KIAA1586: variants seen among roughly 807,000 people sequenced by gnomAD.
KIAA1586 encodes KIAA1586.
Under a neutral mutation model 6.1 loss-of-function variants are expected in KIAA1586, and 5 were observed. The ratio of observed to expected loss-of-function variants is 0.82; its 90% confidence interval spans 0.43 to 1.73. KIAA1586 has a LOEUF of 1.73. KIAA1586 is among the 40% of genes most tolerant of loss of function. KIAA1586 has a pLI of 0.02. For synonymous variants in KIAA1586, 280 were observed against 301.7 expected, an observed-to-expected ratio of 0.93 and a Z score of 0.75; for missense variants, 899 against 878.2, an observed-to-expected ratio of 1.02 and a Z score of -0.30.
In KIAA1586 at chr6:57,054,031, C is replaced by T. The variant is rs143927840; in HGVS notation, c.1532C>T (p.Ser511Phe). 6.8e-4 allele frequency: 1,088 copies of T among 1,610,504 alleles called. 3 individuals are homozygous for T. The highest frequency in any genetic ancestry group is 7.8e-4 in the Non-Finnish European group (917 of 1,178,490). Residue 511 changes from serine to phenylalanine, a missense_variant, in exon 4 of 4, where the codon TCT becomes TTT. Coordinates refer to ENST00000370733, the MANE Select transcript of KIAA1586 (RefSeq NM_020931.4). ...TATATGCATTTTTCTCATTCTTACT[C>T]TGGTTTGGCGAAGAGATTAGCTAAC... Reference protein sequence around the residue: ...ILYMHFSHSYSGLAKRLANIN... With the variant: ...ILYMHFSHSYFGLAKRLANIN...
chr6:57,058,512 T>TAA (rs974143265), downstream of KIAA1586, among the ~76,000 whole-genome samples: 7 of 152,302 alleles, frequency 4.6e-5, no homozygotes, highest in African/African-American at 1.4e-4. Flanking sequence ...TTTCTTCCAA[T>TAA]AACAGGGATG....
downstream of KIAA1586, among the ~76,000 whole-genome samples, chr6:57,055,595 T>C (rs1828486354): frequency 6.6e-6 from 1 of 152,200 alleles, no homozygotes; most frequent in Non-Finnish European, 1.5e-5. Context: ...GAATATTTTA[T>C]GCAGACAACA....
At chr6:57,061,665 C>T in the KIAA1586 span, among the ~76,000 whole-genome samples, 2 of 152,112 alleles carry the variant, frequency 1.3e-5, no homozygotes, top group Admixed American at 1.3e-4. Flanking sequence ...GCCGGGATTA[C>T]AGGTGTGAGC....
chr6:57,065,967 T>A, the KIAA1586 span, among the ~76,000 whole-genome samples: 3 of 152,148 alleles, frequency 2.0e-5, no homozygotes, highest in Admixed American at 6.6e-5. Context: ...ACTTCCAGCC[T>A]TTTAAAATTG....
At chr6:57,062,226 G>A in the KIAA1586 span, among the ~76,000 whole-genome samples, 1 of 152,120 alleles carries the variant, frequency 6.6e-6, no homozygotes, top group East Asian at 1.9e-4. Flanking sequence ...CCAGATTACT[G>A]CCTGGTCCCT....
In KIAA1586 at chr6:57,046,799, T is replaced by G. The variant is rs750841260; in HGVS notation, c.21+23T>G. The G allele has an allele frequency of 5.0e-6, 8 of 1,609,352 alleles. No homozygotes were observed. The South Asian group carries it at 8.8e-5, about 18-fold the overall frequency. The stretch of plus-strand genomic sequence containing the variant: ...GAAGTGAGTAGTCGAGTGAGGGTCC[T>G]GGCGTTCTCAGAGGCGAACCGCGAA... On this transcript the variant is annotated intron_variant, in intron 1 of 3. Transcript: ENST00000370733.
At chr6:57,066,115 G>GA in the KIAA1586 span, among the ~76,000 whole-genome samples, 16,429 of 132,074 alleles carry the variant, frequency 0.12, 1,126 homozygotes, top group African/African-American at 0.2. Context: ...TGTCTCTACT[G>GA]AAAAAAAAAA....
chr6:57,048,561 CTGT>C (rs1481514473), intron 2 of KIAA1586, among the ~76,000 whole-genome samples: 1 of 152,192 alleles, frequency 6.6e-6, no homozygotes, highest in Non-Finnish European at 1.5e-5. Flanking sequence ...TCTGCCTTCA[CTGT>C]TGTTATGGAG....
chr6:57,053,155 T>A lies in KIAA1586; in HGVS notation c.656T>A (p.Ile219Asn). The A allele has an allele frequency of 3.1e-6, 5 of 1,610,558 alleles. No individual in the cohort carries two copies. Among genetic ancestry groups the A allele is most frequent in the South Asian group, 1.1e-5 (1 of 90,446 alleles). ...GATGTTTCTAAAGCCCATGGTAAAA[T>A]TCAGGATTTGTTAAAGGAATCAACT... ...EHDVSKAHGK[I>N]QDLLKESTND... Residue 219 changes from isoleucine (I) to asparagine (N), a missense_variant, in exon 4 of 4, where the codon ATT (isoleucine) becomes AAT (asparagine). Physicochemically the swap from Ile to Asn is moderately radical, Grantham distance 149. Transcript: ENST00000370733.
chr6:57,054,217 A>T lies in KIAA1586; in HGVS notation c.1718A>T (p.Lys573Met). The T allele has an allele frequency of 2.5e-6, 4 of 1,594,136 alleles. 1 individual carries two copies. The South Asian group carries it at 4.5e-5, about 18-fold the overall frequency. The change falls in exon 4 of 4, where the codon AAG (lysine) becomes ATG (methionine). Residue 573 changes from lysine to methionine, a missense_variant. Lys to Met is a moderately conservative substitution (Grantham distance 95). Transcript: ENST00000370733. The part of the protein sequence containing the change: ...ALENLKIGTG[K>M]YESQIEDLIK... Reference sequence around the variant, plus strand: ...GAAAATTTAAAAATTGGTACTGGAAAGTATGAATCTCAAATTGAAGATTTG... The same window carrying T: ...GAAAATTTAAAAATTGGTACTGGAATGTATGAATCTCAAATTGAAGATTTG...
the KIAA1586 span, among the ~76,000 whole-genome samples, chr6:57,063,430 C>CT: frequency 8.5e-5 from 12 of 141,726 alleles, no homozygotes; most frequent in African/African-American, 2.3e-4. Flanking sequence ...CTGGAATCCT[C>CT]TTAATAGATT....
At chr6:57,049,053 G>A (rs142542701) in intron 2 of KIAA1586, among the ~76,000 whole-genome samples, 392 of 151,932 alleles carry the variant, frequency 2.6e-3, no homozygotes, top group African/African-American at 9.1e-3. Context: ...TATCCAGCGT[G>A]ATAGAACCCT....
At chr6:57,048,116 T>C (rs1410174807) in intron 2 of KIAA1586, among the ~76,000 whole-genome samples, 2 of 150,910 alleles carry the variant, frequency 1.3e-5, no homozygotes, top group Non-Finnish European at 2.9e-5. Flanking sequence ...AGGGAGTGTT[T>C]TATGATATAT....
the KIAA1586 span, among the ~76,000 whole-genome samples, chr6:57,062,816 C>T: frequency 1.0e-3 from 156 of 152,194 alleles, no homozygotes; most frequent in African/African-American, 3.5e-3. Context: ...TTTGGGAGGC[C>T]GAGGTGGGCG....
chr6:57,053,951 G>T lies in KIAA1586; in HGVS notation c.1452G>T (p.Trp484Cys). Residue 484 changes from tryptophan to cysteine, a missense_variant, in exon 4 of 4, where the codon TGG becomes TGT. Physicochemically the swap from Trp to Cys is radical, Grantham distance 215. Coordinates refer to ENST00000370733, the MANE Select transcript of KIAA1586 (RefSeq NM_020931.4). The stretch of plus-strand genomic sequence containing the variant: ...TTGGTCGAGTAATGGGACCAAGATG[G>T]GCGGCATGTAGTTTACAAGCTGCTA... ...IKIGRVMGPR[W>C]AACSLQAATA... The T allele has an allele frequency of 1.9e-6, 3 of 1,585,202 alleles. No homozygotes were observed. Among genetic ancestry groups the T allele is most frequent in the Non-Finnish European group, 2.6e-6 (3 of 1,169,948 alleles).
chr6:57,047,755 A>G (rs1828220463), intron 2 of KIAA1586, among the ~76,000 whole-genome samples: 1 of 35,316 alleles, frequency 2.8e-5, no homozygotes, highest in South Asian at 9.1e-4. Flanking sequence ...AGAAAACAGG[A>G]AGGGTTGTGA....
chr6:57,055,447 G>A (rs1243039747), downstream of KIAA1586, among the ~76,000 whole-genome samples: 1 of 151,824 alleles, frequency 6.6e-6, no homozygotes, highest in Non-Finnish European at 1.5e-5. Context: ...TATGGTTGTT[G>A]TAGTGTGCCT....
chr6:57,056,950 T>C (rs1178220211), downstream of KIAA1586, among the ~76,000 whole-genome samples: 8 of 150,954 alleles, frequency 5.3e-5, no homozygotes, highest in East Asian at 1.6e-3. Flanking sequence ...AAGGCCTTGC[T>C]GGGTGCTGTG....
In KIAA1586 at chr6:57,053,938, T is replaced by C. The variant is rs1828421808; in HGVS notation, c.1439T>C (p.Met480Thr). The change falls in exon 4 of 4, where the codon ATG becomes ACG. Residue 480 changes from methionine to threonine, a missense_variant. Physicochemically the swap from Met to Thr is moderately conservative, Grantham distance 81. Transcript: ENST00000370733. ...ETEIIKIGRV[M>T]GPRWAACSLQ... ...GAAATTATTAAAATTGGTCGAGTAA[T>C]GGGACCAAGATGGGCGGCATGTAGT... 6.3e-7 allele frequency: 1 copy of C among 1,583,182 alleles called. No individual in the cohort carries two copies. Among genetic ancestry groups the C allele is most frequent in the Non-Finnish European group, 8.6e-7 (1 of 1,169,538 alleles).
Sources: allele counts gnomAD v4.1 joint callset (sites outside exome capture counted in the v4.1 genomes callset), GRCh38; gene constraint gnomAD v4.1.1; transcripts MANE v1.5; gene names NCBI Gene and HGNC (gene_info 2026-07-23, HGNC 2026-07-21).